RBM15B: variants seen among roughly 807,000 people sequenced by gnomAD.
RBM15B encodes putative RNA-binding protein 15B.
In RBM15B, 11 loss-of-function variants were observed where a neutral mutation model predicts 53.3. That is an observed-to-expected ratio of 0.21 (90% CI 0.13 to 0.34). The LOEUF (loss-of-function observed/expected upper bound fraction) is 0.34. RBM15B is among the 10% of genes least tolerant of loss of function. RBM15B has a pLI of 1.00. For missense variants in RBM15B, 1,136 were observed against 1,250.3 expected, an observed-to-expected ratio of 0.91 and a Z score of 1.38; for synonymous variants, 631 against 540.7, an observed-to-expected ratio of 1.17 and a Z score of -2.32.
In RBM15B at chr3:51,392,503, C is replaced by G; in HGVS notation, c.1104C>G (p.Ile368Met). The G allele has an allele frequency of 1.2e-6, 2 of 1,613,922 alleles. No homozygotes were observed. Among genetic ancestry groups the G allele is most frequent in the Non-Finnish European group, 1.7e-6 (2 of 1,180,034 alleles). ...ATGGCATCATCGAGGAGGTGGTCAT[C>G]AAGAGGCCTGCCCGTGGCCAGGGCG... ...EKYGIIEEVV[I>M]KRPARGQGGA... Residue 368 changes from isoleucine to methionine, a missense_variant, in exon 1 of 1, where the codon ATC (isoleucine) becomes ATG (methionine). Coordinates refer to ENST00000563281, the MANE Select transcript of RBM15B (RefSeq NM_013286.5). This position sits in a 1 kb window ranked among gnomAD's most constrained non-coding sequence, Gnocchi z 7.5.
In RBM15B at chr3:51,393,571, G is replaced by C. The variant is rs561771478; in HGVS notation, c.2172G>C (p.Gly724=). 1.2e-6 allele frequency: 2 copies of C among 1,614,182 alleles called. No individual in the cohort carries two copies. Among genetic ancestry groups the C allele is most frequent in the South Asian group, 2.2e-5 (2 of 91,084 alleles). ...YAQTLQLGWN[G]LLVLKNSCFP... is the part of the protein sequence containing the mutation. ...AGACACTACAGCTGGGTTGGAATGG[G>C]CTTCTGGTGTTGAAAAACAGCTGCT... The change falls in exon 1 of 1, where the codon GGG becomes GGC. Residue 724 remains glycine (G), a synonymous_variant. Transcript: ENST00000563281. The surrounding 1 kb of genome is among the most constrained non-coding windows in gnomAD (Gnocchi z 5.6).
At position 51,394,094 on chromosome 3, in the gene RBM15B, G is replaced by A. The variant is rs78266901; in HGVS notation, c.*22G>A. The A allele has an allele frequency of 0.018, 25,117 of 1,397,878 alleles. 351 individuals are homozygous for A. Among genetic ancestry groups the A allele is most frequent in the Non-Finnish European group, 0.018 (18,878 of 1,070,566 alleles). 86.6% of individuals were successfully genotyped at this position (1,397,878 alleles called of 1,614,324 possible). On this transcript the variant is annotated 3_prime_UTR_variant, in exon 1 of 1. Coordinates refer to ENST00000563281, the MANE Select transcript of RBM15B (RefSeq NM_013286.5). ...CTAGCCCAAGCCTGTCTTTCCCAGC[G>A]TCATGTTTGTGTCACAAAAGCAGTT... is the stretch of plus-strand genomic sequence containing the variant.
In RBM15B at chr3:51,393,995, C is replaced by T. The variant is rs1402159120; in HGVS notation, c.2596C>T (p.Leu866Phe). ...FPPCDFSQQY[L>F]QSALRTLGKL... The stretch of plus-strand genomic sequence containing the variant: ...ACCCTGCGACTTTTCCCAGCAGTAC[C>T]TCCAGTCAGCACTAAGGACATTGGG... The change falls in exon 1 of 1, where the codon CTC (leucine) becomes TTC (phenylalanine). Residue 866 changes from leucine to phenylalanine, a missense_variant. Around this residue, in one of 7 missense-constraint regions of RBM15B, gnomAD observed 578 missense variants for 581.6 expected, o/e 0.99. Transcript: ENST00000563281. The surrounding 1 kb of genome is among the most constrained non-coding windows in gnomAD (Gnocchi z 5.6). 6.6e-7 allele frequency: 1 copy of T among 1,512,744 alleles called. No individual in the cohort carries two copies. Among genetic ancestry groups the T allele is most frequent in the Non-Finnish European group, 8.8e-7 (1 of 1,131,306 alleles). The allele number at this position is 1,512,744 out of a possible 1,614,324, so 93.7% of individuals were successfully genotyped here. A position where few individuals can be genotyped will look rare whatever the true frequency, so the allele number is the denominator to read the frequency against.
Position 51,391,880 on chromosome 3 carries a change from C to T in RBM15B, c.481C>T (p.His161Tyr), listed in dbSNP as rs781900459. 1.9e-6 allele frequency: 3 copies of T among 1,604,044 alleles called. No homozygotes were observed. Among genetic ancestry groups the T allele is most frequent in the East Asian group, 2.2e-5 (1 of 44,790 alleles). The change falls in exon 1 of 1, where the codon CAC becomes TAC. Residue 161 changes from histidine (H) to tyrosine (Y), a missense_variant. Around this residue, in one of 7 missense-constraint regions of RBM15B, gnomAD observed 257 missense variants for 261.1 expected, o/e 0.98. Coordinates refer to ENST00000563281, the MANE Select transcript of RBM15B (RefSeq NM_013286.5). This position sits in a 1 kb window ranked among gnomAD's most constrained non-coding sequence, Gnocchi z 4.5. ...PAEHLEDRLF[H>Y]QFKRFGEISL... ...CGAGCACCTCGAGGACCGGCTCTTCCACCAGTTCAAGCGCTTCGGCGAGAT... is the reference window on the plus strand; with the variant it reads ...CGAGCACCTCGAGGACCGGCTCTTCTACCAGTTCAAGCGCTTCGGCGAGAT...
chr3:51,392,316 A>C lies in RBM15B; in HGVS notation c.917A>C (p.Tyr306Ser). 6.2e-7 allele frequency: 1 copy of C among 1,612,490 alleles called. No individual in the cohort carries two copies. Among genetic ancestry groups the C allele is most frequent in the African/African-American group, 1.3e-5 (1 of 75,068 alleles). ...VGLSRERALDYYGLYDDRGRP... is the reference protein window; with the variant it reads ...VGLSRERALDSYGLYDDRGRP... ...CTGTCCCGGGAGCGGGCCCTGGACT[A>C]CTACGGGCTGTACGACGACCGTGGG... The change falls in exon 1 of 1, where the codon TAC becomes TCC. Residue 306 changes from tyrosine to serine, a missense_variant. Coordinates refer to ENST00000563281, the MANE Select transcript of RBM15B (RefSeq NM_013286.5). This position sits in a 1 kb window ranked among gnomAD's most constrained non-coding sequence, Gnocchi z 7.5.
rs1196434300 is a variant in RBM15B at position 51,394,302 on chromosome 3, C to CAA, written c.*231_*232dup. ...TCCGGTTATGTTGATTTCTAGTGTA[C>CAA]AAGATACTGTCTGCTGTGGTTCTGT... On this transcript the variant is annotated 3_prime_UTR_variant, in exon 1 of 1. Transcript: ENST00000563281. 4 of 496,678 alleles carry CAA rather than the reference C, an allele frequency of 8.1e-6. No homozygotes were observed. The highest frequency in any genetic ancestry group is 6.0e-5 in the African/African-American group (3 of 50,030). The allele number at this position is 496,678 out of a possible 1,614,324, so 30.8% of individuals were successfully genotyped here.
Position 51,392,259 on chromosome 3 carries a change from C to T in RBM15B, c.860C>T (p.Ala287Val), listed in dbSNP as rs377314462. ...GCCCGTCACGCCGCCGCAGCCTTCG[C>T]CCTGGATGCCGCTGCTGCCGCCGCC... ...PRARHAAAAF[A>V]LDAAAAAAVG... The change falls in exon 1 of 1, where the codon GCC becomes GTC. Residue 287 changes from alanine (A) to valine (V), a missense_variant. Around this residue, in one of 7 missense-constraint regions of RBM15B, gnomAD observed 204 missense variants for 196.8 expected, o/e 1.04. Coordinates refer to ENST00000563281, the MANE Select transcript of RBM15B (RefSeq NM_013286.5). This position sits in a 1 kb window ranked among gnomAD's most constrained non-coding sequence, Gnocchi z 7.5. 2 of 1,598,600 alleles carry T rather than the reference C, an allele frequency of 1.3e-6. No homozygotes were observed. Among genetic ancestry groups the T allele is most frequent in the Non-Finnish European group, 1.7e-6 (2 of 1,176,182 alleles).
rs1553621552 is a variant in RBM15B at position 51,391,728 on chromosome 3, C to G, written c.329C>G (p.Pro110Arg). 1.4e-6 allele frequency: 2 copies of G among 1,473,612 alleles called. No homozygotes were observed. The highest frequency in any genetic ancestry group is 1.3e-5 in the South Asian group (1 of 75,730). 91.3% of individuals were successfully genotyped at this position (1,473,612 alleles called of 1,614,324 possible). A position where few individuals can be genotyped will look rare whatever the true frequency, so the allele number is the denominator to read the frequency against. ...SGDPGASGMS[P>R]RASPLPPPPP... ...GACCCGGGCGCCTCCGGCATGTCGC[C>G]CCGCGCGTCTCCTCTGCCGCCGCCT... Residue 110 changes from proline to arginine, a missense_variant, in exon 1 of 1, where the codon CCC (proline) becomes CGC (arginine). Transcript: ENST00000563281. This position sits in a 1 kb window ranked among gnomAD's most constrained non-coding sequence, Gnocchi z 4.5.
rs1377130193 is a variant in RBM15B, at chr3:51,391,424, T to A, written c.25T>A (p.Ser9Thr). 7.9e-7 allele frequency: 1 copy of A among 1,270,658 alleles called. No individual in the cohort carries two copies. The highest frequency in any genetic ancestry group is 9.9e-7 in the Non-Finnish European group (1 of 1,005,242). The allele number at this position is 1,270,658 out of a possible 1,614,324, so 78.7% of individuals were successfully genotyped here. The change falls in exon 1 of 1, where the codon TCT becomes ACT. Residue 9 changes from serine to threonine, a missense_variant. Transcript: ENST00000563281. This position sits in a 1 kb window ranked among gnomAD's most constrained non-coding sequence, Gnocchi z 4.5. Reference protein sequence around the residue: MKRQSERDSSPSGRGSSSS... With the variant: MKRQSERDTSPSGRGSSSS... The stretch of plus-strand genomic sequence containing the variant: ...CATGAAGCGGCAGAGCGAGCGAGAC[T>A]CTAGCCCGAGCGGGCGCGGCTCGTC...
Position 51,393,229 on chromosome 3 carries a change from A to G in RBM15B, c.1830A>G (p.Pro610=). 6.2e-7 allele frequency: 1 copy of G among 1,613,882 alleles called. No homozygotes were observed. The change falls in exon 1 of 1, where the codon CCA becomes CCG. Residue 610 remains proline (P), a synonymous_variant. Transcript: ENST00000563281. This position sits in a 1 kb window ranked among gnomAD's most constrained non-coding sequence, Gnocchi z 5.6. The part of the protein sequence containing the change: ...SSDRGRTTHS[P]YEERSRTKGS... ...ACCGTGGGAGGACAACCCATTCACC[A>G]TATGAGGAACGGAGTAGGACCAAGG...
rs782148524 is a variant in RBM15B at position 51,392,107 on chromosome 3, T to A, written c.708T>A (p.Ala236=). The A allele has an allele frequency of 2.1e-5, 32 of 1,543,334 alleles. No individual in the cohort carries two copies. Among genetic ancestry groups the A allele is most frequent in the Non-Finnish European group, 1.7e-6 (2 of 1,151,440 alleles). The change falls in exon 1 of 1, where the codon GCT becomes GCA. Residue 236 remains alanine (A), a synonymous_variant. Transcript: ENST00000563281. The surrounding 1 kb of genome is among the most constrained non-coding windows in gnomAD (Gnocchi z 7.5). ...SRRSSSSSAA[A]STPPPGPPAP... is the part of the protein sequence containing the mutation. ...GAAGTAGCAGCAGCAGCGCCGCCGC[T>A]TCCACGCCTCCCCCAGGGCCGCCCG...
chr3:51,393,708 G>T lies in RBM15B; in HGVS notation c.2309G>T (p.Arg770Leu). 6.2e-7 allele frequency: 1 copy of T among 1,613,384 alleles called. No homozygotes were observed. The highest frequency in any genetic ancestry group is 8.5e-7 in the Non-Finnish European group (1 of 1,179,822). ...CAGCTGAAGATCGCCCAGCGCCTTC[G>T]ACTGGACCAGCCCAAGCTTGACGAG... is the stretch of plus-strand genomic sequence containing the variant. ...LTQLKIAQRL[R>L]LDQPKLDEVT... The change falls in exon 1 of 1, where the codon CGA becomes CTA. Residue 770 changes from arginine (R) to leucine (L), a missense_variant. Coordinates refer to ENST00000563281, the MANE Select transcript of RBM15B (RefSeq NM_013286.5). The surrounding 1 kb of genome is among the most constrained non-coding windows in gnomAD (Gnocchi z 5.6).
rs2089293586 is a variant in RBM15B, at chr3:51,397,642, A to AAAAC, written c.*3572_*3575dup. The AAAAC allele has an allele frequency of 1.8e-5, 3 of 166,868 alleles. No individual in the cohort carries two copies. In the Admixed American group the frequency reaches 2.0e-4, roughly 11 times the overall value. 10.3% of individuals were successfully genotyped at this position (166,868 alleles called of 1,614,324 possible). A position where few individuals can be genotyped will look rare whatever the true frequency, so the allele number is the denominator to read the frequency against. Reference sequence around the variant, plus strand: ...CCTCTCTCTCCACATTACCCTTACAAAAACAGGCCCTCCCCATGAGAGAGC... The same window carrying AAAAC: ...CCTCTCTCTCCACATTACCCTTACAAAAACAAACAGGCCCTCCCCATGAGAGAGC... On this transcript the variant is annotated 3_prime_UTR_variant, in exon 1 of 1. Transcript: ENST00000563281.
rs1553621910 is a variant in RBM15B at position 51,393,198 on chromosome 3, C to G, written c.1799C>G (p.Ser600Cys). ...WEERRKRRSL[S>C]SDRGRTTHSP... ...GAGAGGCGGAAACGGAGAAGCCTTT[C>G]CAGTGACCGTGGGAGGACAACCCAT... is the stretch of plus-strand genomic sequence containing the variant. Residue 600 changes from serine (S) to cysteine (C), a missense_variant, in exon 1 of 1, where the codon TCC (serine) becomes TGC (cysteine). Ser to Cys is a moderately radical substitution (Grantham distance 112). Coordinates refer to ENST00000563281, the MANE Select transcript of RBM15B (RefSeq NM_013286.5). The surrounding 1 kb of genome is among the most constrained non-coding windows in gnomAD (Gnocchi z 5.6). 1.9e-6 allele frequency: 3 copies of G among 1,613,866 alleles called. No individual in the cohort carries two copies. The highest frequency in any genetic ancestry group is 2.5e-6 in the Non-Finnish European group (3 of 1,179,864).
chr3:51,393,765 A>G lies in RBM15B; in HGVS notation c.2366A>G (p.Asn789Ser). 6.2e-7 allele frequency: 1 copy of G among 1,613,872 alleles called. No homozygotes were observed. The highest frequency in any genetic ancestry group is 8.5e-7 in the Non-Finnish European group (1 of 1,180,030). The change falls in exon 1 of 1, where the codon AAC becomes AGC. Residue 789 changes from asparagine (N) to serine (S), a missense_variant. Around this residue, in one of 7 missense-constraint regions of RBM15B, gnomAD observed 578 missense variants for 581.6 expected, o/e 0.99. Transcript: ENST00000563281. This position sits in a 1 kb window ranked among gnomAD's most constrained non-coding sequence, Gnocchi z 5.6. ...CGACGCATCAAGCAGGGGAGCCCCA[A>G]CGGCTATGCGGTCCTCTTAGCCACC... is the stretch of plus-strand genomic sequence containing the variant. ...VTRRIKQGSPNGYAVLLATQA... is the reference protein window; with the variant it reads ...VTRRIKQGSPSGYAVLLATQA...
rs782173136 is a variant in RBM15B, at chr3:51,392,065, C to T, written c.666C>T (p.Gly222=). 51 of 1,584,796 alleles carry T rather than the reference C, an allele frequency of 3.2e-5. No individual in the cohort carries two copies. Among genetic ancestry groups the T allele is most frequent in the Non-Finnish European group, 4.3e-5 (51 of 1,173,420 alleles). The change falls in exon 1 of 1, where the codon GGC becomes GGT. Residue 222 remains glycine (G), a synonymous_variant. Transcript: ENST00000563281. This position sits in a 1 kb window ranked among gnomAD's most constrained non-coding sequence, Gnocchi z 7.5. The stretch of plus-strand genomic sequence containing the variant: ...TAGAGCCCGTGTACCTGCGTGGCGG[C>T]GGCGGGAGCAGTCGGCGAAGTAGCA... ...LKVEPVYLRG[G]GGSSRRSSSS...
chr3:51,394,124 T>A lies in RBM15B; in HGVS notation c.*52T>A. On this transcript the variant is annotated 3_prime_UTR_variant, in exon 1 of 1. Transcript: ENST00000563281. ...GTTTGTGTCACAAAAGCAGTTATTT[T>A]AAAATCTGATCCCCTCTCTACCCTA... 1 of 1,377,478 alleles carries A rather than the reference T, an allele frequency of 7.3e-7. No individual in the cohort carries two copies. The highest frequency in any genetic ancestry group is 9.4e-7 in the Non-Finnish European group (1 of 1,059,756). The allele number at this position is 1,377,478 out of a possible 1,614,324, so 85.3% of individuals were successfully genotyped here. A position where few individuals can be genotyped will look rare whatever the true frequency, so the allele number is the denominator to read the frequency against.
At position 51,393,050 on chromosome 3, in the gene RBM15B, A is replaced by G; in HGVS notation, c.1651A>G (p.Thr551Ala). 6.2e-7 allele frequency: 1 copy of G among 1,613,786 alleles called. No individual in the cohort carries two copies. The highest frequency in any genetic ancestry group is 8.5e-7 in the Non-Finnish European group (1 of 1,179,946). The change falls in exon 1 of 1, where the codon ACC becomes GCC. Residue 551 changes from threonine (T) to alanine (A), a missense_variant. By Grantham distance (58) the Thr-to-Ala change is moderately conservative (BLOSUM62 0). This residue lies in a region of RBM15B where 578 missense variants were observed against 581.6 expected (regional missense o/e 0.99). Coordinates refer to ENST00000563281, the MANE Select transcript of RBM15B (RefSeq NM_013286.5). The surrounding 1 kb of genome is among the most constrained non-coding windows in gnomAD (Gnocchi z 5.6). ...CCGGACTTTTTTGGAAGGGGACTGG[A>G]CCAGCCCCAGTAAAAGCTCTGACCG... ...RDRTFLEGDW[T>A]SPSKSSDRRN... is the part of the protein sequence containing the mutation.
rs577320510 is a variant in RBM15B at position 51,392,122 on chromosome 3, A to G, written c.723A>G (p.Pro241=). 1.1e-3 allele frequency: 1,648 copies of G among 1,538,078 alleles called. 11 individuals are homozygous for G. The highest frequency in any genetic ancestry group is 9.9e-3 in the Middle Eastern group (54 of 5,468). Residue 241 remains proline, a synonymous_variant, in exon 1 of 1, where the codon CCA becomes CCG. Coordinates refer to ENST00000563281, the MANE Select transcript of RBM15B (RefSeq NM_013286.5). The surrounding 1 kb of genome is among the most constrained non-coding windows in gnomAD (Gnocchi z 7.5). ...GCGCCGCCGCTTCCACGCCTCCCCC[A>G]GGGCCGCCCGCGCCCGCCGACCCGC... The part of the protein sequence containing the change: ...SSSAAASTPP[P]GPPAPADPLG...
Sources: allele counts gnomAD v4.1 joint callset, GRCh38; gene constraint gnomAD v4.1.1; regional missense constraint gnomAD v4.1.1; non-coding constraint Gnocchi (gnomAD v3.1); transcripts MANE v1.5; gene names NCBI Gene and HGNC (gene_info 2026-07-23, HGNC 2026-07-21).